Variants in PDE4D observed in about 807,000 individuals in gnomAD.
PDE4D encodes the protein phosphodiesterase 4D, also known as 3',5'-cyclic-AMP phosphodiesterase 4D.
Under a neutral mutation model 87.4 loss-of-function variants are expected in PDE4D, and 24 were observed. The ratio of observed to expected loss-of-function variants is 0.27; its 90% CI spans 0.20 to 0.39. PDE4D has a LOEUF of 0.39. Among genes scored for constraint, PDE4D ranks in the 10% least tolerant of loss-of-function variants. The pLI is 1.00. For missense variants in PDE4D, 714 were observed against 1,041.0 expected (o/e 0.69, Z 4.32); for synonymous variants, 384 against 383.2 (o/e 1.00, Z -0.02).
chr5:60,263,549 C>G (rs1749868856), intron 1 of PDE4D, among the ~76,000 whole-genome samples: 1 of 152,196 alleles, frequency 6.6e-6, no homozygotes, highest in Non-Finnish European at 1.5e-5. Flanking sequence ...TTAGCAACAT[C>G]TGGGAAGTTG....
intron 1 of PDE4D, among the ~76,000 whole-genome samples, chr5:59,783,245 C>T (rs1764804204): frequency 6.6e-6 from 1 of 152,150 alleles, no homozygotes; most frequent in Admixed American, 6.5e-5. Context: ...AGTGCCTGGG[C>T]CACACCACCC....
At chr5:59,300,133 A>T (rs1769927324) in intron 1 of PDE4D, among the ~76,000 whole-genome samples, 1 of 151,018 alleles carries the variant, frequency 6.6e-6, no homozygotes, top group South Asian at 2.1e-4. Flanking sequence ...AAAAAAAAAA[A>T]AAAAGGCTTA....
At chr5:59,734,387 A>G (rs1189913546) in intron 1 of PDE4D, among the ~76,000 whole-genome samples, 1 of 152,172 alleles carries the variant, frequency 6.6e-6, no homozygotes, top group Admixed American at 6.6e-5. Flanking sequence ...CTATCTCCTT[A>G]TTCTATTTGT....
chr5:59,181,855 G>GT (rs923952450), intron 4 of PDE4D, among the ~76,000 whole-genome samples: 1 of 152,144 alleles, frequency 6.6e-6, no homozygotes, highest in African/African-American at 2.4e-5. Context: ...AGTTTGAGAT[G>GT]TTTTTGTGGA....
At chr5:59,087,092 T>C (rs892615705) in intron 5 of PDE4D, among the ~76,000 whole-genome samples, 3 of 152,208 alleles carry the variant, frequency 2.0e-5, no homozygotes, top group Admixed American at 6.5e-5. Context: ...CAGTTGATTA[T>C]GTATAGCTAA....
At chr5:59,459,341 T>C (rs1800402024) in intron 1 of PDE4D, among the ~76,000 whole-genome samples, 1 of 152,218 alleles carries the variant, frequency 6.6e-6, no homozygotes, top group Non-Finnish European at 1.5e-5. Flanking sequence ...GGCTAGTGCC[T>C]GGAATGTGTT....
chr5:59,963,701 CA>C (rs1408804428), intron 3 of PDE4D, among the ~76,000 whole-genome samples: 2 of 152,120 alleles, frequency 1.3e-5, no homozygotes, highest in Non-Finnish European at 2.9e-5. Flanking sequence ...CATAGTTATA[CA>C]GAGTTTTTGT....
chr5:59,891,319 C>T (rs1204857950), intron 1 of PDE4D, among the ~76,000 whole-genome samples: 2 of 152,188 alleles, frequency 1.3e-5, no homozygotes, highest in Non-Finnish European at 2.9e-5. Context: ...AGAAACTCTA[C>T]AAAATCAATC....
intron 1 of PDE4D, among the ~76,000 whole-genome samples, chr5:59,498,460 G>C (rs1003192184): frequency 8.6e-5 from 13 of 151,724 alleles, no homozygotes; most frequent in African/African-American, 3.1e-4. Context: ...CTGTCATAGT[G>C]TTTTAACACT....
intron 1 of PDE4D, among the ~76,000 whole-genome samples, chr5:59,820,493 G>C (rs374813532): frequency 2.0e-5 from 3 of 152,200 alleles, no homozygotes; most frequent in Admixed American, 2.0e-4. Context: ...ATCAGACAGA[G>C]CTTATTACAA....
At chr5:59,472,047 A>C (rs947588939) in intron 1 of PDE4D, among the ~76,000 whole-genome samples, 1 of 152,174 alleles carries the variant, frequency 6.6e-6, no homozygotes, top group African/African-American at 2.4e-5. Context: ...GATGTGAAAA[A>C]CACAGAGAAA....
intron 6 of PDE4D, among the ~76,000 whole-genome samples, chr5:59,030,216 A>G (rs1298526319): frequency 2.0e-5 from 3 of 152,114 alleles, no homozygotes; most frequent in Non-Finnish European, 4.4e-5. Flanking sequence ...GTACCTGCAC[A>G]AGCAACCAAA....
intron 5 of PDE4D, among the ~76,000 whole-genome samples, chr5:59,118,850 A>G (rs923534487): frequency 3.3e-5 from 5 of 152,220 alleles, no homozygotes; most frequent in African/African-American, 1.2e-4. Flanking sequence ...TCTGCTTAAT[A>G]CCACACAAAT....
intron 4 of PDE4D, 134 bp from the exon 5 acceptor site, chr5:59,180,778 C>T: frequency 1.2e-6 from 1 of 814,180 alleles, no homozygotes. Flanking sequence ...TGATTTCTTT[C>T]AGACTAGCCA....
At chr5:59,561,857 G>A (rs539786161) in intron 1 of PDE4D, among the ~76,000 whole-genome samples, 10 of 151,920 alleles carry the variant, frequency 6.6e-5, no homozygotes, top group Admixed American at 4.6e-4. Context: ...GCTTGAACCC[G>A]GGAGGCAGAT....
chr5:59,787,147 C>A (rs1765263131), intron 1 of PDE4D, among the ~76,000 whole-genome samples: 1 of 152,156 alleles, frequency 6.6e-6, no homozygotes, highest in Non-Finnish European at 1.5e-5. Context: ...CGTGTCATTC[C>A]TCTACTTGAA....
chr5:59,055,796 T>C (rs921540299), intron 5 of PDE4D, among the ~76,000 whole-genome samples: 7 of 152,220 alleles, frequency 4.6e-5, no homozygotes, highest in Admixed American at 6.5e-5. Flanking sequence ...CCAGAGGTTA[T>C]GACGTGATTC....
chr5:59,655,539 C>A (rs1316420881), intron 1 of PDE4D, among the ~76,000 whole-genome samples: 1 of 152,144 alleles, frequency 6.6e-6, no homozygotes, highest in Non-Finnish European at 1.5e-5. Flanking sequence ...CCAACCTGAA[C>A]ATATTCACTT....
chr5:59,048,193 GT>G (rs887363275), intron 5 of PDE4D, among the ~76,000 whole-genome samples: 11 of 152,282 alleles, frequency 7.2e-5, no homozygotes, highest in African/African-American at 2.4e-4. Context: ...CTGGGAAGTT[GT>G]TTGAACAAAG....
Sources: gnomAD v4.1 joint callset for allele counts (sites outside exome capture counted in the v4.1 genomes callset) on GRCh38, gnomAD v4.1.1 for gene constraint, MANE v1.5 for transcripts, NCBI Gene and HGNC (gene_info 2026-07-23, HGNC 2026-07-21) for gene names.